Variants in SAMD15 observed in about 807,000 individuals in gnomAD.
SAMD15 encodes the protein sterile alpha motif domain containing 15, also known as sterile alpha motif domain-containing protein 15.
Under a neutral mutation model 50.5 loss-of-function variants are expected in SAMD15, and 37 were observed. That is an observed-to-expected ratio of 0.73 (90% CI 0.56 to 0.96). SAMD15 has a LOEUF of 0.96. Among genes scored for constraint, SAMD15 ranks in the 40% least tolerant of loss-of-function variants. The pLI is 0.00. For synonymous variants in SAMD15, 255 were observed against 282.8 expected (o/e 0.90, Z 0.99); for missense variants, 789 against 783.8 (o/e 1.01, Z -0.08).
chr14:77,377,484 G>T lies in SAMD15; in HGVS notation c.66G>T (p.Arg22Ser), dbSNP rs766329164. 8 of 1,614,018 alleles carry T rather than the reference G, an allele frequency of 5.0e-6. No individual in the cohort carries two copies. Among genetic ancestry groups the T allele is most frequent in the South Asian group, 1.1e-5 (1 of 91,080 alleles). ...AAGATGGAGAGCTGGAGCCTGAGAGGCCTGAACTGCCTGGACTTCATAAAT... is the reference window on the plus strand; with the variant it reads ...AAGATGGAGAGCTGGAGCCTGAGAGTCCTGAACTGCCTGGACTTCATAAAT... ...PDEDGELEPE[R>S]PELPGLHKLY... The change falls in exon 1 of 3, where the codon AGG becomes AGT. Residue 22 changes from arginine to serine, a missense_variant. Transcript: ENST00000216471.
rs775984477 is a variant in SAMD15 at position 77,377,671 on chromosome 14, G to A, written c.253G>A (p.Glu85Lys). 8 of 1,614,164 alleles carry A rather than the reference G, an allele frequency of 5.0e-6. No individual in the cohort carries two copies. The highest frequency in any genetic ancestry group is 5.9e-6 in the Non-Finnish European group (7 of 1,180,014). The part of the protein sequence containing the change: ...VQLKPGGTSQ[E>K]GIAKESKRDV... ...GCTGAAACCTGGCGGGACGTCCCAG[G>A]AAGGAATTGCCAAGGAGTCCAAGAG... Residue 85 changes from glutamate to lysine, a missense_variant, in exon 1 of 3, where the codon GAA becomes AAA. Around this residue, in one of 2 missense-constraint regions of SAMD15, gnomAD observed 770 missense variants for 745.4 expected, o/e 1.03. Transcript: ENST00000216471.
Position 77,391,827 on chromosome 14 carries a change from G to A in SAMD15, c.*583G>A, listed in dbSNP as rs1414993723. Among the ~76,000 whole-genome samples the A allele has an allele frequency of 2.0e-5, 3 of 152,034 alleles. No individual in the cohort carries two copies. Among genetic ancestry groups the A allele is most frequent in the African/African-American group, 7.2e-5 (3 of 41,396 alleles). ...CTAGCTCTTTGGGTGGCTGAGGCGGGCAGATCACCTAAGGTCAGGATTTCA... is the reference window on the plus strand; with the variant it reads ...CTAGCTCTTTGGGTGGCTGAGGCGGACAGATCACCTAAGGTCAGGATTTCA... On this transcript the variant is annotated 3_prime_UTR_variant, in exon 3 of 3. Transcript: ENST00000216471.
Position 77,379,058 on chromosome 14 carries a change from C to A in SAMD15, c.1640C>A (p.Pro547Gln). The A allele has an allele frequency of 6.2e-7, 1 of 1,613,914 alleles. No homozygotes were observed. The highest frequency in any genetic ancestry group is 8.5e-7 in the Non-Finnish European group (1 of 1,179,794). Residue 547 changes from proline (P) to glutamine (Q), a missense_variant, in exon 1 of 3, where the codon CCA becomes CAA. Around this residue, in one of 2 missense-constraint regions of SAMD15, gnomAD observed 770 missense variants for 745.4 expected, o/e 1.03. Coordinates refer to ENST00000216471, the MANE Select transcript of SAMD15 (RefSeq NM_001010860.4). ...ELQFEHLNWD[P>Q]EEVAEWISQL... ...CAATTTGAGCATCTTAATTGGGATC[C>A]AGAGGAAGTTGCAGAGTGGATTAGC...
rs1479667429 is a variant in SAMD15, at chr14:77,377,943, A to T, written c.525A>T (p.Thr175=). The T allele has an allele frequency of 3.1e-6, 5 of 1,613,948 alleles. No homozygotes were observed. Among genetic ancestry groups the T allele is most frequent in the Non-Finnish European group, 4.2e-6 (5 of 1,180,006 alleles). Residue 175 remains threonine (T), a synonymous_variant, in exon 1 of 3, where the codon ACA becomes ACT. Transcript: ENST00000216471. ...TETMSEVSGA[T]VRERNLELLE... is the part of the protein sequence containing the mutation. ...CCATGTCTGAGGTTTCGGGGGCCAC[A>T]GTCAGAGAGAGAAATTTAGAATTAC...
rs754597515 is a variant in SAMD15, at chr14:77,391,192, C to T, written c.1973C>T (p.Pro658Leu). The T allele has an allele frequency of 1.2e-6, 2 of 1,614,014 alleles. No individual in the cohort carries two copies. The highest frequency in any genetic ancestry group is 8.5e-7 in the Non-Finnish European group (1 of 1,179,906). ...GCAGCAGGATTACAGGATTATGCTC[C>T]AGAAATAACTGCCCCTGAAGAGAAT... ...VKAAGLQDYAPEITAPEENEE... is the reference protein window; with the variant it reads ...VKAAGLQDYALEITAPEENEE... Residue 658 changes from proline to leucine, a missense_variant, in exon 3 of 3, where the codon CCA becomes CTA. This residue lies in a region of SAMD15 where 19 missense variants were observed against 38.3 expected (regional missense o/e 0.50). Coordinates refer to ENST00000216471, the MANE Select transcript of SAMD15 (RefSeq NM_001010860.4).
At chr14:77,389,071 C>G (rs1224895852) in intron 2 of SAMD15, among the ~76,000 whole-genome samples, 2 of 151,654 alleles carry the variant, frequency 1.3e-5, no homozygotes, top group Non-Finnish European at 2.9e-5. Flanking sequence ...GCCTGGGTAA[C>G]ACAGCAAGAC....
At position 77,391,242 on chromosome 14, in the gene SAMD15, T is replaced by C. The variant is rs1387912793; in HGVS notation, c.2023T>C (p.Ter675GlnextTer68). The C allele has an allele frequency of 1.9e-6, 3 of 1,583,624 alleles. No individual in the cohort carries two copies. The highest frequency in any genetic ancestry group is 1.1e-5 in the South Asian group (1 of 90,146). The change falls in exon 3 of 3, where the codon TAG becomes CAG. Residue 675 changes from the stop codon to glutamine (Q), a stop_lost. Coordinates refer to ENST00000216471, the MANE Select transcript of SAMD15 (RefSeq NM_001010860.4). ...TGAGGAATTACCTTGCACTGAACCA[T>C]AGGGGAAATCCACTTCACAGAGCTT... ...ENEELPCTEP[*>Q]
At position 77,378,321 on chromosome 14, in the gene SAMD15, G is replaced by T; in HGVS notation, c.903G>T (p.Gly301=). 3 of 1,612,366 alleles carry T rather than the reference G, an allele frequency of 1.9e-6. No individual in the cohort carries two copies. Among genetic ancestry groups the T allele is most frequent in the Non-Finnish European group, 2.5e-6 (3 of 1,179,646 alleles). The change falls in exon 1 of 3, where the codon GGG becomes GGT. Residue 301 remains glycine, a synonymous_variant. Coordinates refer to ENST00000216471, the MANE Select transcript of SAMD15 (RefSeq NM_001010860.4). ...EMQRKATEEK[G]TELPERTKPD... ...AAAGAAAGGCAACTGAGGAGAAAGGGACAGAACTACCTGAGCGGACTAAAC... is the reference window on the plus strand; with the variant it reads ...AAAGAAAGGCAACTGAGGAGAAAGGTACAGAACTACCTGAGCGGACTAAAC...
chr14:77,389,460 C>G (rs1410577859), intron 2 of SAMD15, among the ~76,000 whole-genome samples: 1 of 151,036 alleles, frequency 6.6e-6, no homozygotes, highest in Non-Finnish European at 1.5e-5. Flanking sequence ...TATAACTGAC[C>G]TAGGATTAAA....
rs1893879692 is a variant in SAMD15, at chr14:77,378,223, C to T, written c.805C>T (p.Pro269Ser). The stretch of plus-strand genomic sequence containing the variant: ...TAGACTGGAATTTCTGGAGAAGGAA[C>T]CAAGAAAGTCTAGTGAGGAGGCAGG... ...QARLEFLEKEPRKSSEEAGLE... is the reference protein window; with the variant it reads ...QARLEFLEKESRKSSEEAGLE... The change falls in exon 1 of 3, where the codon CCA becomes TCA. Residue 269 changes from proline (P) to serine (S), a missense_variant. Physicochemically the swap from Pro to Ser is moderately conservative, Grantham distance 74. Transcript: ENST00000216471. 1.2e-6 allele frequency: 2 copies of T among 1,613,986 alleles called. No individual in the cohort carries two copies. Among genetic ancestry groups the T allele is most frequent in the African/African-American group, 2.7e-5 (2 of 74,982 alleles).
chr14:77,378,728 A>G lies in SAMD15; in HGVS notation c.1310A>G (p.Asp437Gly). Residue 437 changes from aspartate to glycine, a missense_variant, in exon 1 of 3, where the codon GAT becomes GGT. By Grantham distance (94) the Asp-to-Gly change is moderately conservative. Transcript: ENST00000216471. ...PIKSKYSVGN[D>G]ELEHREPKRG... is the part of the protein sequence containing the mutation. ...AAGTCTAAGTATTCTGTAGGAAACG[A>G]TGAGCTAGAGCACCGTGAGCCTAAA... 2 of 1,613,230 alleles carry G rather than the reference A, an allele frequency of 1.2e-6. No individual in the cohort carries two copies. The highest frequency in any genetic ancestry group is 1.7e-6 in the Non-Finnish European group (2 of 1,179,800).
intron 2 of SAMD15, among the ~76,000 whole-genome samples, chr14:77,384,157 ATAGTT>A (rs1893979356): frequency 6.6e-6 from 1 of 152,268 alleles, no homozygotes; most frequent in African/African-American, 2.4e-5. Context: ...GTTAAATAGT[ATAGTT>A]ATCTTTTTCA....
intron 1 of SAMD15, 151 bp from the exon 2 acceptor site, chr14:77,380,232 G>A (rs1893928290): frequency 3.4e-6 from 2 of 585,066 alleles, no homozygotes; most frequent in Non-Finnish European, 3.1e-6. Context: ...GGATGACAGA[G>A]TGAGACCCTG....
chr14:77,389,496 A>ATTTTTTTT (rs768983521), intron 2 of SAMD15, among the ~76,000 whole-genome samples: 7 of 111,654 alleles, frequency 6.3e-5, no homozygotes, highest in African/African-American at 1.1e-4. Context: ...GGCAATCACA[A>ATTTTTTTT]TTTTTTTTTT....
chr14:77,388,138 TGGGCACACA>T (rs1364755019), intron 2 of SAMD15, among the ~76,000 whole-genome samples: 5 of 152,206 alleles, frequency 3.3e-5, no homozygotes, highest in Non-Finnish European at 5.9e-5. Context: ...CAGCCCACAG[TGGGCACACA>T]GCTCTTTTTG....
chr14:77,378,830 C>T lies in SAMD15; in HGVS notation c.1412C>T (p.Ser471Leu). The T allele has an allele frequency of 6.2e-7, 1 of 1,613,764 alleles. No homozygotes were observed. Residue 471 changes from serine (S) to leucine (L), a missense_variant, in exon 1 of 3, where the codon TCA becomes TTA. Transcript: ENST00000216471. ...ALGSLRESEE[S>L]IGTHYEFLQP... ...GGATCTCTCAGAGAAAGTGAAGAAT[C>T]AATTGGTACACATTATGAGTTTTTG...
intron 2 of SAMD15, among the ~76,000 whole-genome samples, chr14:77,386,091 A>G (rs1438579567): frequency 6.6e-6 from 1 of 152,046 alleles, no homozygotes; most frequent in African/African-American, 2.4e-5. Flanking sequence ...CCTGAGCTCA[A>G]GCAATCCACC....
Position 77,391,036 on chromosome 14 carries a change from T to C in SAMD15, c.1817T>C (p.Leu606Pro). The C allele has an allele frequency of 6.2e-7, 1 of 1,613,166 alleles. No homozygotes were observed. Among genetic ancestry groups the C allele is most frequent in the African/African-American group, 1.3e-5 (1 of 74,968 alleles). Residue 606 changes from leucine (L) to proline (P), a missense_variant, in exon 3 of 3, where the codon CTG (leucine) becomes CCG (proline). By Grantham distance (98) the Leu-to-Pro change is moderately conservative. Coordinates refer to ENST00000216471, the MANE Select transcript of SAMD15 (RefSeq NM_001010860.4). ...KAISRHTQEL[L>P]EIEEPLFKRS... Reference sequence around the variant, plus strand: ...ATTTCTCGGCATACGCAGGAGCTCCTGGAAATTGAAGAGCCATTATTCAAA... The same window carrying C: ...ATTTCTCGGCATACGCAGGAGCTCCCGGAAATTGAAGAGCCATTATTCAAA...
intron 2 of SAMD15, among the ~76,000 whole-genome samples, chr14:77,386,446 C>T (rs1012802568): frequency 6.6e-6 from 1 of 152,112 alleles, no homozygotes; most frequent in Non-Finnish European, 1.5e-5. Context: ...GATGAATCAA[C>T]AAGCAGATGT....
Sources: gnomAD v4.1 joint callset for allele counts (sites outside exome capture counted in the v4.1 genomes callset) on GRCh38, gnomAD v4.1.1 for gene constraint, gnomAD v4.1.1 regional missense constraint, MANE v1.5 for transcripts, NCBI Gene and HGNC (gene_info 2026-07-23, HGNC 2026-07-21) for gene names.